Variants in TRIP12 observed in about 807,000 individuals in gnomAD.
TRIP12 encodes the protein thyroid hormone receptor interactor 12.
A neutral mutation model predicts 244.2 loss-of-function variants in TRIP12; 25 were observed. The observed-to-expected ratio is 0.10, with a 90% CI of 0.07 to 0.14. The LOEUF (loss-of-function observed/expected upper bound fraction) is 0.14. TRIP12 is among the 10% of genes least tolerant of loss of function. The probability of loss-of-function intolerance (pLI) is 1.00; values close to 1 mark genes in which losing one functional copy is unlikely to be tolerated. For synonymous variants in TRIP12, 905 were observed against 873.1 expected (o/e 1.04, Z -0.64); for missense variants, 1,677 against 2,486.4 (o/e 0.67, Z 6.92).
At chr2:229,880,534 T>G (rs1253416122) in intron 1 of TRIP12, among the ~76,000 whole-genome samples, 1 of 152,236 alleles carries the variant, frequency 6.6e-6, no homozygotes, top group Non-Finnish European at 1.5e-5. Flanking sequence ...TTAAAGAAGT[T>G]TGCCTTTGTA....
intron 1 of TRIP12, among the ~76,000 whole-genome samples, chr2:229,920,002 C>A (rs1279012015): frequency 3.3e-5 from 5 of 152,202 alleles, no homozygotes; most frequent in Admixed American, 3.3e-4. Context: ...ATATGAAAAT[C>A]AGCCTCAATA....
intron 6 of TRIP12, among the ~76,000 whole-genome samples, chr2:229,836,045 C>A (rs1360928501): frequency 1.3e-5 from 2 of 152,062 alleles, no homozygotes; most frequent in Non-Finnish European, 2.9e-5. Flanking sequence ...GCGGGTAAAC[C>A]ACAACCTTCC....
intron 4 of TRIP12, among the ~76,000 whole-genome samples, chr2:229,854,428 T>C (rs2059257367): frequency 6.6e-6 from 1 of 152,238 alleles, no homozygotes; most frequent in African/African-American, 2.4e-5. Context: ...ATATTCACTT[T>C]CAGTTGTACA....
chr2:229,884,354 G>T (rs1188116294), intron 1 of TRIP12, among the ~76,000 whole-genome samples: 1 of 144,660 alleles, frequency 6.9e-6, no homozygotes, highest in Non-Finnish European at 1.5e-5. Context: ...CTCCTGCCTT[G>T]GCCTCCAGAG....
intron 1 of TRIP12, among the ~76,000 whole-genome samples, chr2:229,881,730 T>C (rs1249794709): frequency 2.0e-5 from 3 of 152,190 alleles, no homozygotes; most frequent in African/African-American, 4.8e-5. Context: ...GTTAAACTTA[T>C]GCGTACTGAT....
chr2:229,777,262 T>A (rs933706633), intron 37 of TRIP12, 53 bp downstream of exon 37: 1 of 1,559,786 alleles, frequency 6.4e-7, no homozygotes, highest in Non-Finnish European at 8.7e-7. Flanking sequence ...AACAAAAGCC[T>A]CATTTTTCTA....
rs72991276 is a variant in TRIP12, at chr2:229,902,453, C to T, written c.-50+19427G>A. Among the ~76,000 whole-genome samples, 402 of 152,254 alleles carry T rather than the reference C, an allele frequency of 2.6e-3. 1 individual carries two copies. Among genetic ancestry groups the T allele is most frequent in the Non-Finnish European group, 4.9e-3 (336 of 68,006 alleles). On this transcript the variant is annotated intron_variant, in intron 1 of 41. Coordinates refer to ENST00000675903, the MANE Select transcript of TRIP12 (RefSeq NM_001348323.3). ...AGGCAACAAACCACAGCATTATTGG[C>T]GGTACCTTTAAGTTTGTACCAAAAG... is the stretch of plus-strand genomic sequence containing the variant.
At chr2:229,831,863 AGGTTTTTTTTGTTTGTTTTTTG>A (rs2053477385) in intron 6 of TRIP12, among the ~76,000 whole-genome samples, 1 of 126,358 alleles carries the variant, frequency 7.9e-6, no homozygotes, top group African/African-American at 3.4e-5. Flanking sequence ...CTGAGGTCAA[AGGTTTTTTTTGTTTGTTTTTTG>A]GGTTTTTTTT....
intron 1 of TRIP12, among the ~76,000 whole-genome samples, chr2:229,884,236 CTTTTTT>C (rs200052292): frequency 8.1e-6 from 1 of 123,604 alleles, no homozygotes; most frequent in Non-Finnish European, 1.6e-5. Context: ...TTTTTCTTTT[CTTTTTT>C]TTTTTTTTTT....
chr2:229,832,137 T>C (rs1341192299), intron 6 of TRIP12, among the ~76,000 whole-genome samples: 1 of 152,226 alleles, frequency 6.6e-6, no homozygotes, highest in African/African-American at 2.4e-5. Context: ...AAGTATTTTC[T>C]ATGTAACTTC....
chr2:229,864,033 AGAGAGAGAGAGAGAGTGTGTGTGTGT>A lies in TRIP12; in HGVS notation c.99-3528_99-3503del, dbSNP rs1378770229. Among the ~76,000 whole-genome samples the A allele has an allele frequency of 3.4e-3, 405 of 118,220 alleles. 2 individuals carry two copies. Among genetic ancestry groups the A allele is most frequent in the African/African-American group, 0.011 (372 of 33,756 alleles). The allele number at this position is 118,220 out of a possible 152,430, so 77.6% of individuals were successfully genotyped here. On this transcript the variant is annotated intron_variant, in intron 2 of 41. Transcript: ENST00000675903. Reference sequence around the variant, plus strand: ...GAGAGAGAGAGAGAGAGAGAGAGAGAGAGAGAGAGAGAGAGTGTGTGTGTGTGTGTGTGTGTGTGTGTGTGCACGCG... The same window carrying A: ...GAGAGAGAGAGAGAGAGAGAGAGAGAGTGTGTGTGTGTGTGTGTGCACGCG...
Position 229,859,261 on chromosome 2 carries a change from T to C in TRIP12, c.538A>G (p.Ser180Gly). 9 of 1,614,242 alleles carry C rather than the reference T, an allele frequency of 5.6e-6. No individual in the cohort carries two copies. The highest frequency in any genetic ancestry group is 7.6e-6 in the Non-Finnish European group (9 of 1,180,048). ...CTCCGTGAACCGCCAGTGGCCCCAC[T>C]CTTCCTGGTATGAGCCTTGCTTGTT... ...PSTSKAHTRK[S>G]GATGGSRSQK... Residue 180 changes from serine (S) to glycine (G), a missense_variant, in exon 4 of 42, where the codon AGT becomes GGT. Coordinates refer to ENST00000675903, the MANE Select transcript of TRIP12 (RefSeq NM_001348323.3).
At chr2:229,894,045 C>T (rs1239406306) in intron 1 of TRIP12, among the ~76,000 whole-genome samples, 3 of 152,100 alleles carry the variant, frequency 2.0e-5, no homozygotes, top group African/African-American at 7.2e-5. Context: ...ATCCCAGCTA[C>T]TCGGGAGGCT....
intron 1 of TRIP12, among the ~76,000 whole-genome samples, chr2:229,908,800 G>A (rs1263975868): frequency 2.6e-5 from 4 of 151,394 alleles, no homozygotes; most frequent in Non-Finnish European, 4.4e-5. Flanking sequence ...AGCACTTTGG[G>A]AGGCTATGCG....
At chr2:229,809,941 G>C (rs2154277723) in intron 15 of TRIP12, among the ~76,000 whole-genome samples, 1 of 152,236 alleles carries the variant, frequency 6.6e-6, no homozygotes, top group South Asian at 2.1e-4. Context: ...TGGGACCAAA[G>C]ACCATTTTAT....
intron 39 of TRIP12, among the ~76,000 whole-genome samples, chr2:229,770,832 G>A (rs189882772): frequency 1.6e-4 from 24 of 152,250 alleles, no homozygotes; most frequent in South Asian, 8.3e-4. Flanking sequence ...GAGTTTCCCC[G>A]CACAAGCTCT....
intron 1 of TRIP12, among the ~76,000 whole-genome samples, chr2:229,886,280 C>G (rs2065989991): frequency 6.6e-6 from 1 of 152,026 alleles, no homozygotes; most frequent in Admixed American, 6.5e-5. Flanking sequence ...GAATTAAGGG[C>G]AACAGAAATT....
chr2:229,787,586 T>C lies in TRIP12; in HGVS notation c.4914A>G (p.Gln1638=), dbSNP rs201900393. ...VTAFDRDRAM[Q]RLLDTNPEIN... is the part of the protein sequence containing the mutation. ...TTTCTGGGTTGGTATCAAGTAATCT[T>C]TGCATTGCTCGGTCCCGATCAAATG... The change falls in exon 33 of 42, where the codon CAA becomes CAG. Residue 1638 remains glutamine (Q), a synonymous_variant. Coordinates refer to ENST00000675903, the MANE Select transcript of TRIP12 (RefSeq NM_001348323.3). The C allele has an allele frequency of 2.2e-5, 36 of 1,613,766 alleles. No homozygotes were observed. The highest frequency in any genetic ancestry group is 3.1e-5 in the Non-Finnish European group (36 of 1,179,914).
At chr2:229,899,669 G>A (rs796444676) in intron 1 of TRIP12, among the ~76,000 whole-genome samples, 2 of 152,132 alleles carry the variant, frequency 1.3e-5, no homozygotes, top group African/African-American at 4.8e-5. Flanking sequence ...GAGCCCTAGG[G>A]GTGGCAATAC....
Sources: allele counts gnomAD v4.1 joint callset (sites outside exome capture counted in the v4.1 genomes callset), GRCh38; gene constraint gnomAD v4.1.1; transcripts MANE v1.5; gene names NCBI Gene and HGNC (gene_info 2026-07-23, HGNC 2026-07-21).